The following ZNF516 variants were observed in gnomAD, a reference collection of about 807,000 sequenced individuals.
The protein encoded by ZNF516 is zinc finger protein 516.
ZNF516 carries 19 observed loss-of-function variants against 79.7 expected under a neutral mutation model. That is an observed-to-expected ratio of 0.24 (90% confidence interval 0.17 to 0.35). ZNF516 has a LOEUF of 0.35. ZNF516 is among the 10% of genes least tolerant of loss of function. The pLI is 1.00. For missense variants in ZNF516, 1,678 were observed against 1,679.5 expected, an observed-to-expected ratio of 1.00 and a Z score of 0.02; for synonymous variants, 877 against 739.5, an observed-to-expected ratio of 1.19 and a Z score of -3.02.
chr18:76,458,565 G>C (rs976415095), intron 2 of ZNF516, among the ~76,000 whole-genome samples: 1 of 152,262 alleles, frequency 6.6e-6, no homozygotes, highest in African/African-American at 2.4e-5. Context: ...AAGGGCACAG[G>C]AGTAGTGCTC....
intron 3 of ZNF516, among the ~76,000 whole-genome samples, chr18:76,428,249 C>T (rs1599072855): frequency 1.3e-5 from 2 of 151,972 alleles, no homozygotes; most frequent in South Asian, 2.1e-4. Flanking sequence ...AAAAATTAGC[C>T]GGGCATGGTG....
chr18:76,373,681 C>T (rs1017141406), intron 4 of ZNF516, among the ~76,000 whole-genome samples: 2 of 152,264 alleles, frequency 1.3e-5, no homozygotes, highest in Non-Finnish European at 2.9e-5. Flanking sequence ...CTCATCCGTG[C>T]TTATTTCCTT....
At chr18:76,431,566 G>A (rs917543647) in intron 3 of ZNF516, among the ~76,000 whole-genome samples, 3 of 152,230 alleles carry the variant, frequency 2.0e-5, no homozygotes, top group South Asian at 2.1e-4. Flanking sequence ...GGTGGGGCCC[G>A]AGGGGCGGTG....
At chr18:76,388,853 A>C (rs2075028757) in intron 3 of ZNF516, 1 of 152,344 alleles carries the variant, frequency 6.6e-6, no homozygotes, top group Non-Finnish European at 1.5e-5. Flanking sequence ...CCGGGGAAGG[A>C]AGGCCCACGA....
intron 1 of ZNF516, among the ~76,000 whole-genome samples, chr18:76,486,941 A>G (rs938822329): frequency 1.1e-4 from 17 of 152,202 alleles, no homozygotes; most frequent in African/African-American, 3.9e-4. Context: ...AAAATACAGT[A>G]TATGGTAAGA....
At chr18:76,412,110 T>C (rs1485165927) in intron 3 of ZNF516, among the ~76,000 whole-genome samples, 1 of 152,174 alleles carries the variant, frequency 6.6e-6, no homozygotes, top group Non-Finnish European at 1.5e-5. Flanking sequence ...ATGTAGATGG[T>C]AAATAGTGGC....
At position 76,441,765 on chromosome 18, in the gene ZNF516, C is replaced by A. The variant is rs1452887281; in HGVS notation, c.1290G>T (p.Pro430=). The change falls in exon 3 of 7, where the codon CCG becomes CCT. Residue 430 remains proline, a synonymous_variant. Coordinates refer to ENST00000443185, the MANE Select transcript of ZNF516 (RefSeq NM_014643.4). ...QLATRGKVAE[P]AEYLKYGAWD... is the part of the protein sequence containing the mutation. ...AGGCCCCGTACTTGAGGTACTCGGC[C>A]GGCTCGGCCACCTTACCCCGCGTGG... is the stretch of plus-strand genomic sequence containing the variant. The A allele has an allele frequency of 6.4e-7, 1 of 1,565,262 alleles. No homozygotes were observed. The highest frequency in any genetic ancestry group is 1.8e-5 in the Admixed American group (1 of 55,272).
chr18:76,445,682 G>T (rs1052054020), intron 2 of ZNF516, among the ~76,000 whole-genome samples: 2 of 152,158 alleles, frequency 1.3e-5, no homozygotes, highest in African/African-American at 4.8e-5. Context: ...GACCTCCAAC[G>T]TTTGTCTATA....
chr18:76,450,345 C>T (rs1018503068), intron 2 of ZNF516, among the ~76,000 whole-genome samples: 1 of 142,682 alleles, frequency 7.0e-6, no homozygotes, highest in African/African-American at 2.6e-5. Context: ...CCCTCCCCCT[C>T]CCCCACTCCC....
intron 3 of ZNF516, among the ~76,000 whole-genome samples, chr18:76,439,700 T>C (rs2075788979): frequency 6.6e-6 from 1 of 152,144 alleles, no homozygotes; most frequent in Non-Finnish European, 1.5e-5. Context: ...TCATAATCAA[T>C]GGGGTGAGTG....
At chr18:76,443,484 A>C (rs1199275182) in intron 2 of ZNF516, among the ~76,000 whole-genome samples, 1 of 152,180 alleles carries the variant, frequency 6.6e-6, no homozygotes, top group Non-Finnish European at 1.5e-5. Flanking sequence ...TAAGGTATCA[A>C]ATCTTTAGGA....
intron 3 of ZNF516, among the ~76,000 whole-genome samples, chr18:76,418,544 C>A (rs112525881): frequency 7.4e-4 from 113 of 152,052 alleles, no homozygotes; most frequent in African/African-American, 2.6e-3. Flanking sequence ...GTAACACACA[C>A]TATGACACGC....
At chr18:76,487,191 G>A (rs373896708) in intron 1 of ZNF516, among the ~76,000 whole-genome samples, 1 of 152,192 alleles carries the variant, frequency 6.6e-6, no homozygotes, top group African/African-American at 2.4e-5. Context: ...CAATTCGAAT[G>A]TATACCATCG....
intron 3 of ZNF516, among the ~76,000 whole-genome samples, chr18:76,434,686 G>C (rs1359796695): frequency 2.0e-5 from 3 of 152,198 alleles, no homozygotes; most frequent in African/African-American, 4.8e-5. Context: ...GAGCCGTCCT[G>C]GGACTACGCA....
intron 6 of ZNF516, among the ~76,000 whole-genome samples, chr18:76,363,834 G>C (rs1425776666): frequency 6.6e-6 from 1 of 152,222 alleles, no homozygotes; most frequent in East Asian, 1.9e-4. Flanking sequence ...GGGAGTTATA[G>C]TTAGCTATTG....
intron 4 of ZNF516, among the ~76,000 whole-genome samples, chr18:76,371,962 A>G (rs2074715533): frequency 6.6e-6 from 1 of 152,194 alleles, no homozygotes; most frequent in South Asian, 2.1e-4. Context: ...CATGGAAAAT[A>G]GGAAGTGAGC....
chr18:76,457,651 A>C (rs531154136), intron 2 of ZNF516, among the ~76,000 whole-genome samples: 14 of 152,348 alleles, frequency 9.2e-5, no homozygotes, highest in African/African-American at 2.9e-4. Flanking sequence ...GGGGAGGTCG[A>C]GGCTGCAGTG....
chr18:76,485,323 T>G (rs1238846233), intron 1 of ZNF516, among the ~76,000 whole-genome samples: 1 of 152,176 alleles, frequency 6.6e-6, no homozygotes, highest in Non-Finnish European at 1.5e-5. Flanking sequence ...GATGGTATTT[T>G]CTCAAACTGG....
chr18:76,425,751 C>A (rs1599069427), intron 3 of ZNF516, among the ~76,000 whole-genome samples: 1 of 152,184 alleles, frequency 6.6e-6, no homozygotes, highest in East Asian at 1.9e-4. Flanking sequence ...CAGGGTCCCA[C>A]AAAGCAAATG....
Sources: gnomAD v4.1 joint callset for allele counts (sites outside exome capture counted in the v4.1 genomes callset) on GRCh38, gnomAD v4.1.1 for gene constraint, MANE v1.5 for transcripts, NCBI Gene and HGNC (gene_info 2026-07-23, HGNC 2026-07-21) for gene names.